Variants in DPRX observed in about 807,000 individuals in gnomAD.
DPRX encodes the protein divergent paired-related homeobox.
In DPRX, 11 loss-of-function variants were observed where a neutral mutation model predicts 8.4. That is an observed-to-expected ratio of 1.31 (90% CI 0.82 to 2.17). DPRX has a LOEUF of 2.17. DPRX is among the 30% of genes most tolerant of loss of function. The pLI is 0.00. For missense variants in DPRX, 211 were observed against 236.7 expected, an observed-to-expected ratio of 0.89 and a Z score of 0.71; for synonymous variants, 72 against 87.0, an observed-to-expected ratio of 0.83 and a Z score of 0.96.
the DPRX span, among the ~76,000 whole-genome samples, chr19:53,615,304 G>T: frequency 6.7e-6 from 1 of 150,230 alleles, no homozygotes; most frequent in African/African-American, 2.4e-5. Flanking sequence ...TCTTTGAGAC[G>T]CAGTCTCACT....
the DPRX span, among the ~76,000 whole-genome samples, chr19:53,603,003 A>ATGTG: frequency 9.4e-3 from 1,386 of 147,920 alleles, 17 homozygotes; most frequent in African/African-American, 0.028. Flanking sequence ...GTGTATATGT[A>ATGTG]TGTGTGTGTG....
At chr19:53,622,271 T>C in the DPRX span, among the ~76,000 whole-genome samples, 1 of 152,120 alleles carries the variant, frequency 6.6e-6, no homozygotes, top group Non-Finnish European at 1.5e-5. Flanking sequence ...TGTCTTGCAG[T>C]AAACAAGGAA....
chr19:53,628,304 C>T (rs895859153), upstream of DPRX, among the ~76,000 whole-genome samples: 2 of 152,086 alleles, frequency 1.3e-5, no homozygotes, highest in Non-Finnish European at 2.9e-5. Flanking sequence ...TAAAATACCA[C>T]TGTGCTCTAT....
chr19:53,601,766 G>A, the DPRX span, among the ~76,000 whole-genome samples: 31 of 152,216 alleles, frequency 2.0e-4, no homozygotes, highest in Middle Eastern at 3.4e-3. Flanking sequence ...ACAGGTGTGA[G>A]CCACCTCACC....
chr19:53,604,993 A>G, the DPRX span, among the ~76,000 whole-genome samples: 4 of 152,268 alleles, frequency 2.6e-5, no homozygotes, highest in East Asian at 7.7e-4. Context: ...GTACCCCACG[A>G]ATATGTACAA....
the DPRX span, among the ~76,000 whole-genome samples, chr19:53,601,694 C>T: frequency 6.6e-6 from 1 of 152,040 alleles, no homozygotes; most frequent in Non-Finnish European, 1.5e-5. Context: ...GTTGGTCAGG[C>T]TGGTCCCGAA....
the DPRX span, chr19:53,608,538 G>A: frequency 6.6e-6 from 1 of 152,502 alleles, no homozygotes; most frequent in African/African-American, 2.4e-5. Flanking sequence ...AATGGGGAAC[G>A]ACCGCCTAAA....
At chr19:53,618,056 C>G in the DPRX span, among the ~76,000 whole-genome samples, 1 of 151,326 alleles carries the variant, frequency 6.6e-6, no homozygotes, top group South Asian at 2.1e-4. Flanking sequence ...GCAGGAGAAT[C>G]ACGTGAACCT....
chr19:53,601,669 C>T, the DPRX span, among the ~76,000 whole-genome samples: 4 of 151,828 alleles, frequency 2.6e-5, no homozygotes, highest in Admixed American at 6.6e-5. Context: ...TTTAGTAGAA[C>T]CGGAATTTCA....
intron 1 of DPRX, among the ~76,000 whole-genome samples, chr19:53,632,846 G>A (rs181085512): frequency 1.3e-5 from 2 of 152,222 alleles, no homozygotes; most frequent in Admixed American, 1.3e-4. Flanking sequence ...TTCCCACCCC[G>A]ATGCTTGTTC....
At chr19:53,617,483 G>A in the DPRX span, among the ~76,000 whole-genome samples, 4 of 151,146 alleles carry the variant, frequency 2.6e-5, no homozygotes, top group East Asian at 7.9e-4. Context: ...GCTTGAACCC[G>A]GGAGGCAGAG....
chr19:53,613,373 A>C, the DPRX span, among the ~76,000 whole-genome samples: 1 of 151,898 alleles, frequency 6.6e-6, no homozygotes, highest in African/African-American at 2.4e-5. Context: ...TTGAGATGGA[A>C]TCTCGCTCTG....
chr19:53,602,136 A>G, the DPRX span: 2 of 456,696 alleles, frequency 4.4e-6, no homozygotes, highest in Non-Finnish European at 8.8e-6. Context: ...ATGGGCCAAT[A>G]CCAGGCATAG....
chr19:53,618,706 G>A, the DPRX span, among the ~76,000 whole-genome samples: 9 of 138,586 alleles, frequency 6.5e-5, no homozygotes, highest in Non-Finnish European at 1.4e-4. Flanking sequence ...TTTTTTGGAC[G>A]GAGACTTGCT....
upstream of DPRX, among the ~76,000 whole-genome samples, chr19:53,627,572 G>A (rs1319026791): frequency 1.3e-5 from 2 of 151,016 alleles, no homozygotes; most frequent in Non-Finnish European, 2.9e-5. Context: ...CAGTAGCTGG[G>A]ATCACAGGCG....
At chr19:53,636,687 A>T (rs765836576) in exon 3 of DPRX, 4 of 1,614,148 alleles carry the variant, frequency 2.5e-6, no homozygotes, top group Non-Finnish European at 3.4e-6. Flanking sequence ...CCAATACCAG[A>T]GGGTGGGGTC....
the DPRX span, among the ~76,000 whole-genome samples, chr19:53,625,821 A>G: frequency 6.6e-6 from 1 of 151,878 alleles, no homozygotes; most frequent in Non-Finnish European, 1.5e-5. Context: ...TGTCTTTAGT[A>G]GAGACGGGGT....
chr19:53,630,052 C>G (rs1488767010), upstream of DPRX: 1 of 142,790 alleles, frequency 7.0e-6, no homozygotes, highest in African/African-American at 2.6e-5. Flanking sequence ...ACTAAAAATA[C>G]AAAAAAAAAA....
chr19:53,603,784 C>T, the DPRX span, among the ~76,000 whole-genome samples: 1 of 148,944 alleles, frequency 6.7e-6, no homozygotes, highest in Admixed American at 6.8e-5. Flanking sequence ...CACTCTGTCA[C>T]CCAGGCTGGA....
Sources: gnomAD v4.1 joint callset for allele counts (sites outside exome capture counted in the v4.1 genomes callset) on GRCh38, gnomAD v4.1.1 for gene constraint, MANE v1.5 for transcripts, NCBI Gene and HGNC (gene_info 2026-07-23, HGNC 2026-07-21) for gene names.